The following OR2T8 variants were observed in gnomAD, a reference collection of about 807,000 sequenced individuals.
The protein encoded by OR2T8 is olfactory receptor 2T8.
For missense variants in OR2T8, 161 were observed against 389.4 expected (o/e 0.41, Z 4.94); for synonymous variants, 56 against 154.3 (o/e 0.36, Z 4.72).
At chr1:247,920,965 T>A in intron 1 of OR2T8, 33 bp from the exon 2 acceptor site, 1 of 1,460,842 alleles carries the variant, frequency 6.8e-7, no homozygotes, top group Non-Finnish European at 9.4e-7. Context: ...CCATAAAGGA[T>A]AAACACTCTG....
At position 247,921,001 on chromosome 1, in the gene OR2T8, C is replaced by T. The variant is rs144242476; in HGVS notation, c.-17C>T. Reference sequence around the variant, plus strand: ...TCTTCTTTTTCTCCATTTGCAGTGTCACTCTTATTTGAAATCATGGAAAAT... The same window carrying T: ...TCTTCTTTTTCTCCATTTGCAGTGTTACTCTTATTTGAAATCATGGAAAAT... On this transcript the variant is annotated 5_prime_UTR_variant, in exon 2 of 2. Transcript: ENST00000641945. 9.7e-5 allele frequency: 153 copies of T among 1,574,944 alleles called. No homozygotes were observed. The African/African-American group carries it at 1.9e-3, about 20-fold the overall frequency.
rs113681533 is a variant in OR2T8 at position 247,921,324 on chromosome 1, C to T, written c.307C>T (p.Pro103Ser). ...CTGTGGTGCGCAGATCTTCTTCCTC[C>T]CCACACTGGGTGGTGGAGAGTGCTT... ...AGCGAQIFFL[P>S]TLGGGECFLL... is the part of the protein sequence containing the mutation. Residue 103 changes from proline (P) to serine (S), a missense_variant, in exon 2 of 2, where the codon CCC becomes TCC. Pro to Ser is a moderately conservative substitution (Grantham distance 74, BLOSUM62 -1). Coordinates refer to ENST00000641945, the MANE Select transcript of OR2T8 (RefSeq NM_001005522.2). The T allele has an allele frequency of 6.0e-6, 6 of 992,488 alleles. No homozygotes were observed. Among genetic ancestry groups the T allele is most frequent in the Non-Finnish European group, 8.7e-6 (6 of 689,082 alleles). 61.5% of individuals were successfully genotyped at this position (992,488 alleles called of 1,614,324 possible). A position where few individuals can be genotyped will look rare whatever the true frequency, so the allele number is the denominator to read the frequency against.
chr1:247,920,366 C>T lies in OR2T8; in HGVS notation c.-173C>T, dbSNP rs1340417753. The stretch of plus-strand genomic sequence containing the variant: ...GGTCAGTACTGTTTTCAGTCTATCA[C>T]CTATAAAGGAGGACTAAATGTGTTC... On this transcript the variant is annotated 5_prime_UTR_variant, in exon 1 of 2. Coordinates refer to ENST00000641945, the MANE Select transcript of OR2T8 (RefSeq NM_001005522.2). 6.6e-6 allele frequency: 1 copy of T among 152,516 alleles called. No individual in the cohort carries two copies. Among genetic ancestry groups the T allele is most frequent in the Non-Finnish European group, 1.5e-5 (1 of 68,370 alleles). The allele number at this position is 152,516 out of a possible 1,614,324, so 9.4% of individuals were successfully genotyped here. A position where few individuals can be genotyped will look rare whatever the true frequency, so the allele number is the denominator to read the frequency against.
rs547699026 is a variant in OR2T8, at chr1:247,923,124, A to C, written c.*1168A>C. Among the ~76,000 whole-genome samples, 8 of 152,306 alleles carry C rather than the reference A, an allele frequency of 5.3e-5. 1 individual carries two copies. The highest frequency in any genetic ancestry group is 1.9e-4 in the African/African-American group (8 of 41,570). ...GGGCTACTTGGAATTTTGGAAATAA[A>C]ATCATATATTGGGTTATTTTTTATT... is the stretch of plus-strand genomic sequence containing the variant. On this transcript the variant is annotated 3_prime_UTR_variant, in exon 2 of 2. Transcript: ENST00000641945.
At position 247,921,283 on chromosome 1, in the gene OR2T8, C is replaced by T. The variant is rs778091297; in HGVS notation, c.266C>T (p.Ala89Val). ...GCTGACTACTTGACCGGAAGTAAGG[C>T]CATCTCCCGCGCTGGCTGTGGTGCG... Reference protein sequence around the residue: ...MAADYLTGSKAISRAGCGAQI... With the variant: ...MAADYLTGSKVISRAGCGAQI... The change falls in exon 2 of 2, where the codon GCC becomes GTC. Residue 89 changes from alanine (A) to valine (V), a missense_variant. Coordinates refer to ENST00000641945, the MANE Select transcript of OR2T8 (RefSeq NM_001005522.2). 3.5e-6 allele frequency: 5 copies of T among 1,422,516 alleles called. No individual in the cohort carries two copies. In the Admixed American group the frequency reaches 9.6e-5, roughly 27 times the overall value. The allele number at this position is 1,422,516 out of a possible 1,614,324, so 88.1% of individuals were successfully genotyped here. A position where few individuals can be genotyped will look rare whatever the true frequency, so the allele number is the denominator to read the frequency against.
Position 247,922,832 on chromosome 1 carries a change from C to T in OR2T8, c.*876C>T, listed in dbSNP as rs371422535. On this transcript the variant is annotated 3_prime_UTR_variant, in exon 2 of 2. Transcript: ENST00000641945. ...AAGTGGTTGTTTACTCTTATACTGCCGCTGACAATGCACACAAGTTCCTGT... is the reference window on the plus strand; with the variant it reads ...AAGTGGTTGTTTACTCTTATACTGCTGCTGACAATGCACACAAGTTCCTGT... Among the ~76,000 whole-genome samples, 3 of 152,092 alleles carry T rather than the reference C, an allele frequency of 2.0e-5. No individual in the cohort carries two copies. Among genetic ancestry groups the T allele is most frequent in the East Asian group, 3.9e-4 (2 of 5,194 alleles).
rs929171717 is a variant in OR2T8, at chr1:247,922,455, C to T, written c.*499C>T. ...GTGATACCCCAGGCCTAAGATACAT[C>T]CACTGCTCTAATTTTTATCTCTGTT... On this transcript the variant is annotated 3_prime_UTR_variant, in exon 2 of 2. Coordinates refer to ENST00000641945, the MANE Select transcript of OR2T8 (RefSeq NM_001005522.2). Among the ~76,000 whole-genome samples, 1 of 152,186 alleles carries T rather than the reference C, an allele frequency of 6.6e-6. No individual in the cohort carries two copies. Among genetic ancestry groups the T allele is most frequent in the Non-Finnish European group, 1.5e-5 (1 of 68,028 alleles).
intron 1 of OR2T8, 72 bp from the exon 2 acceptor site, chr1:247,920,926 T>G (rs1159130952): frequency 8.6e-7 from 1 of 1,157,828 alleles, no homozygotes; most frequent in Non-Finnish European, 1.2e-6. Flanking sequence ...TACTTTTCTA[T>G]TTTTTTACTA....
chr1:247,922,940 C>T lies in OR2T8; in HGVS notation c.*984C>T, dbSNP rs1327018460. Reference sequence around the variant, plus strand: ...TCAGTTTGCTTTTAATTTGCATTTTCCTGATGACTAATAATGTTGAGGCCT... The same window carrying T: ...TCAGTTTGCTTTTAATTTGCATTTTTCTGATGACTAATAATGTTGAGGCCT... On this transcript the variant is annotated 3_prime_UTR_variant, in exon 2 of 2. Coordinates refer to ENST00000641945, the MANE Select transcript of OR2T8 (RefSeq NM_001005522.2). Among the ~76,000 whole-genome samples, 2 of 152,118 alleles carry T rather than the reference C, an allele frequency of 1.3e-5. No individual in the cohort carries two copies. The highest frequency in any genetic ancestry group is 4.1e-4 in the South Asian group (2 of 4,834).
rs748881920 is a variant in OR2T8 at position 247,920,978 on chromosome 1, T to A, written c.-20-20T>A. 1 of 1,514,988 alleles carries A rather than the reference T, an allele frequency of 6.6e-7. No individual in the cohort carries two copies. Among genetic ancestry groups the A allele is most frequent in the Non-Finnish European group, 9.0e-7 (1 of 1,111,380 alleles). The allele number at this position is 1,514,988 out of a possible 1,614,324, so 93.8% of individuals were successfully genotyped here. A position where few individuals can be genotyped will look rare whatever the true frequency, so the allele number is the denominator to read the frequency against. ...TACCATAAAGGATAAACACTCTGTC[T>A]TCTTTTTCTCCATTTGCAGTGTCAC... On this transcript the variant is annotated intron_variant, in intron 1 of 1. Coordinates refer to ENST00000641945, the MANE Select transcript of OR2T8 (RefSeq NM_001005522.2).
chr1:247,921,931 G>C lies in OR2T8; in HGVS notation c.914G>C (p.Arg305Pro), dbSNP rs145320774. The part of the protein sequence containing the change: ...VKGALTRCMG[R>P]CVALSRE Reference sequence around the variant, plus strand: ...GGAGCCCTGACAAGGTGTATGGGTCGGTGTGTGGCCTTAAGTCGTGAATAA... The same window carrying C: ...GGAGCCCTGACAAGGTGTATGGGTCCGTGTGTGGCCTTAAGTCGTGAATAA... Residue 305 changes from arginine to proline, a missense_variant, in exon 2 of 2, where the codon CGG becomes CCG. By Grantham distance (103) the Arg-to-Pro change is moderately radical. Transcript: ENST00000641945. 6 of 1,613,990 alleles carry C rather than the reference G, an allele frequency of 3.7e-6. No homozygotes were observed. In the East Asian group the frequency reaches 1.3e-4, roughly 36 times the overall value.
rs1660033856 is a variant in OR2T8, at chr1:247,922,212, CA to C, written c.*258del. On this transcript the variant is annotated 3_prime_UTR_variant, in exon 2 of 2. Transcript: ENST00000641945. Reference sequence around the variant, plus strand: ...TAAGATGGTTTTACATCATACCTCACAATAATTTTTTGTTCAAAGAATGAAT... The same window carrying C: ...TAAGATGGTTTTACATCATACCTCACATAATTTTTTGTTCAAAGAATGAAT... Among the ~76,000 whole-genome samples the C allele has an allele frequency of 6.6e-6, 1 of 152,148 alleles. No homozygotes were observed. The highest frequency in any genetic ancestry group is 6.5e-5 in the Admixed American group (1 of 15,278).
At position 247,921,777 on chromosome 1, in the gene OR2T8, A is replaced by G. The variant is rs933995441; in HGVS notation, c.760A>G (p.Ile254Val). Residue 254 changes from isoleucine to valine, a missense_variant, in exon 2 of 2, where the codon ATT becomes GTT. By Grantham distance (29) the Ile-to-Val change is conservative. Transcript: ENST00000641945. The part of the protein sequence containing the change: ...AVVGLFYGAA[I>V]FTYMRPKSHR... Reference sequence around the variant, plus strand: ...GGTGGGACTCTTTTATGGAGCTGCCATTTTTACCTATATGAGACCCAAATC... The same window carrying G: ...GGTGGGACTCTTTTATGGAGCTGCCGTTTTTACCTATATGAGACCCAAATC... 1 of 1,603,870 alleles carries G rather than the reference A, an allele frequency of 6.2e-7. No homozygotes were observed. Among genetic ancestry groups the G allele is most frequent in the Non-Finnish European group, 8.5e-7 (1 of 1,175,876 alleles).
chr1:247,922,458 C>T lies in OR2T8; in HGVS notation c.*502C>T, dbSNP rs1660036640. On this transcript the variant is annotated 3_prime_UTR_variant, in exon 2 of 2. Coordinates refer to ENST00000641945, the MANE Select transcript of OR2T8 (RefSeq NM_001005522.2). The stretch of plus-strand genomic sequence containing the variant: ...ATACCCCAGGCCTAAGATACATCCA[C>T]TGCTCTAATTTTTATCTCTGTTCGT... Among the ~76,000 whole-genome samples the T allele has an allele frequency of 6.6e-6, 1 of 152,198 alleles. No individual in the cohort carries two copies. The highest frequency in any genetic ancestry group is 2.1e-4 in the South Asian group (1 of 4,836).
rs1463534880 is a variant in OR2T8, at chr1:247,922,491, G to T, written c.*535G>T. ...ATTTTTATCTCTGTTCGTTAGTTTG[G>T]GCTATTCTAAAATTTCACATCAAAG... is the stretch of plus-strand genomic sequence containing the variant. On this transcript the variant is annotated 3_prime_UTR_variant, in exon 2 of 2. Transcript: ENST00000641945. Among the ~76,000 whole-genome samples, 1 of 152,024 alleles carries T rather than the reference G, an allele frequency of 6.6e-6. No individual in the cohort carries two copies. The highest frequency in any genetic ancestry group is 2.4e-5 in the African/African-American group (1 of 41,358).
Position 247,921,928 on chromosome 1 carries a change from G to A in OR2T8, c.911G>A (p.Gly304Asp), listed in dbSNP as rs1169060768. 1.2e-6 allele frequency: 2 copies of A among 1,614,030 alleles called. No homozygotes were observed. Among genetic ancestry groups the A allele is most frequent in the African/African-American group, 2.7e-5 (2 of 74,900 alleles). The part of the protein sequence containing the change: ...EVKGALTRCM[G>D]RCVALSRE ...AAGGGAGCCCTGACAAGGTGTATGG[G>A]TCGGTGTGTGGCCTTAAGTCGTGAA... Residue 304 changes from glycine to aspartate, a missense_variant, in exon 2 of 2, where the codon GGT becomes GAT. Transcript: ENST00000641945.
Position 247,921,240 on chromosome 1 carries a change from A to C in OR2T8, c.223A>C (p.Thr75Pro). Reference sequence around the variant, plus strand: ...CATGGACGTGATGCTGGTTTCCACCACTGTGCCCAAAATGGCGGCTGACTA... The same window carrying C: ...CATGGACGTGATGCTGGTTTCCACCCCTGTGCCCAAAATGGCGGCTGACTA... Reference protein sequence around the residue: ...SLMDVMLVSTTVPKMAADYLT... With the variant: ...SLMDVMLVSTPVPKMAADYLT... The change falls in exon 2 of 2, where the codon ACT becomes CCT. Residue 75 changes from threonine to proline, a missense_variant. By Grantham distance (38) the Thr-to-Pro change is conservative (BLOSUM62 -1). Coordinates refer to ENST00000641945, the MANE Select transcript of OR2T8 (RefSeq NM_001005522.2). The C allele has an allele frequency of 1.9e-6, 3 of 1,597,072 alleles. No individual in the cohort carries two copies. Among genetic ancestry groups the C allele is most frequent in the Non-Finnish European group, 2.6e-6 (3 of 1,175,000 alleles).
At position 247,922,479 on chromosome 1, in the gene OR2T8, T is replaced by C. The variant is rs947770641; in HGVS notation, c.*523T>C. On this transcript the variant is annotated 3_prime_UTR_variant, in exon 2 of 2. Transcript: ENST00000641945. ...TCCACTGCTCTAATTTTTATCTCTG[T>C]TCGTTAGTTTGGGCTATTCTAAAAT... is the stretch of plus-strand genomic sequence containing the variant. Among the ~76,000 whole-genome samples the C allele has an allele frequency of 5.9e-5, 9 of 152,184 alleles. No homozygotes were observed. The highest frequency in any genetic ancestry group is 1.0e-4 in the Non-Finnish European group (7 of 68,028).
At chr1:247,920,909 A>C in intron 1 of OR2T8, 89 bp from the exon 2 acceptor site, 2 of 950,018 alleles carry the variant, frequency 2.1e-6, no homozygotes, top group African/African-American at 1.6e-5. Flanking sequence ...CATCGCTTTC[A>C]CACAAGTACT....
Sources: allele counts gnomAD v4.1 joint callset (sites outside exome capture counted in the v4.1 genomes callset), GRCh38; gene constraint gnomAD v4.1.1; transcripts MANE v1.5; gene names NCBI Gene and HGNC (gene_info 2026-07-23, HGNC 2026-07-21).